Variants in SOX5 observed in about 807,000 individuals in gnomAD.
SOX5 encodes the protein transcription factor SOX-5.
A neutral mutation model predicts 92.0 loss-of-function variants in SOX5; 9 were observed. The ratio of observed to expected loss-of-function variants is 0.10; its 90% confidence interval spans 0.06 to 0.17. SOX5 has a LOEUF of 0.17. Ranked by LOEUF, SOX5 falls within the 10% of genes least tolerant of loss-of-function variation. SOX5 has a pLI of 1.00. For missense variants in SOX5, 642 were observed against 944.5 expected, an observed-to-expected ratio of 0.68 and a Z score of 4.20; for synonymous variants, 344 against 336.3, an observed-to-expected ratio of 1.02 and a Z score of -0.25.
chr12:24,297,636 T>C (rs1446486596), intron 2 of SOX5, among the ~76,000 whole-genome samples: 1 of 152,232 alleles, frequency 6.6e-6, no homozygotes, highest in Non-Finnish European at 1.5e-5. Flanking sequence ...TTGTCTTTTG[T>C]ATTCTCACTG....
intron 4 of SOX5, among the ~76,000 whole-genome samples, chr12:24,187,526 ATT>A (rs1430649718): frequency 1.3e-5 from 2 of 152,220 alleles, no homozygotes; most frequent in Non-Finnish European, 2.9e-5. Flanking sequence ...AAAATTGGGC[ATT>A]GTGACTTTTC....
At chr12:23,877,041 T>C (rs888045897) in intron 2 of SOX5, among the ~76,000 whole-genome samples, 2 of 152,000 alleles carry the variant, frequency 1.3e-5, no homozygotes, top group Non-Finnish European at 2.9e-5. Flanking sequence ...ATATGTAATG[T>C]AGGTGATGGT....
chr12:23,740,553 T>C (rs761075437), intron 5 of SOX5, among the ~76,000 whole-genome samples: 4 of 152,226 alleles, frequency 2.6e-5, no homozygotes, highest in Non-Finnish European at 4.4e-5. Flanking sequence ...TCTTTCAAAA[T>C]GCTTCTTGTT....
chr12:24,156,233 C>A (rs111316903), intron 4 of SOX5, among the ~76,000 whole-genome samples: 78 of 152,284 alleles, frequency 5.1e-4, no homozygotes, highest in Admixed American at 1.2e-3. Flanking sequence ...GAGATGATAA[C>A]AACCCAGAGG....
chr12:24,446,893 G>A (rs1264406607), intron 1 of SOX5, among the ~76,000 whole-genome samples: 2 of 152,166 alleles, frequency 1.3e-5, no homozygotes, highest in Non-Finnish European at 2.9e-5. Flanking sequence ...ATATCAGTGG[G>A]ACGCAGAAGC....
chr12:24,394,153 G>A (rs1959235617), intron 1 of SOX5, among the ~76,000 whole-genome samples: 2 of 152,120 alleles, frequency 1.3e-5, no homozygotes, highest in Non-Finnish European at 2.9e-5. Context: ...AGGGAAGCCT[G>A]CATTTCTCTT....
intron 2 of SOX5, among the ~76,000 whole-genome samples, chr12:24,308,435 A>T (rs1208364296): frequency 1.3e-5 from 2 of 152,186 alleles, no homozygotes; most frequent in Non-Finnish European, 2.9e-5. Context: ...TTTTTAATAA[A>T]TGTTCACTGC....
intron 4 of SOX5, among the ~76,000 whole-genome samples, chr12:24,155,748 C>T (rs918717170): frequency 2.0e-5 from 3 of 152,214 alleles, no homozygotes; most frequent in South Asian, 2.1e-4. Flanking sequence ...GCTGTGCTAA[C>T]GAAATGAGAC....
chr12:23,601,093 T>C (rs1222196720), intron 9 of SOX5, among the ~76,000 whole-genome samples: 2 of 152,108 alleles, frequency 1.3e-5, no homozygotes, highest in Admixed American at 6.6e-5. Context: ...CACTCTATCA[T>C]TTCTCAGCAT....
chr12:24,065,733 T>C (rs10842267), intron 4 of SOX5, among the ~76,000 whole-genome samples: 60,114 of 151,678 alleles, frequency 0.4, 12,313 homozygotes, highest in Non-Finnish European at 0.45. Context: ...TCTATACTTT[T>C]AGTTGCTCAT....
intron 1 of SOX5, among the ~76,000 whole-genome samples, chr12:23,939,881 T>C (rs1943295319): frequency 6.6e-6 from 1 of 151,074 alleles, no homozygotes; most frequent in Non-Finnish European, 1.5e-5. Context: ...GTAATGCTAA[T>C]AGTTATTTAT....
At chr12:24,287,987 A>G (rs935536835) in intron 2 of SOX5, among the ~76,000 whole-genome samples, 1 of 152,178 alleles carries the variant, frequency 6.6e-6, no homozygotes, top group African/African-American at 2.4e-5. Context: ...CAAACTATGG[A>G]AGCGTTAATT....
chr12:24,229,195 A>G (rs1962819577), intron 3 of SOX5, among the ~76,000 whole-genome samples: 1 of 152,234 alleles, frequency 6.6e-6, no homozygotes, highest in African/African-American at 2.4e-5. Flanking sequence ...GAAGGGCAGC[A>G]ACTCCACCTA....
chr12:23,705,599 T>C (rs986016647), intron 6 of SOX5, among the ~76,000 whole-genome samples: 1 of 152,004 alleles, frequency 6.6e-6, no homozygotes, highest in Non-Finnish European at 1.5e-5. Context: ...GGGCTGCTGC[T>C]CTTTTTGTAT....
intron 3 of SOX5, among the ~76,000 whole-genome samples, chr12:24,260,859 C>T (rs980236631): frequency 1.3e-5 from 2 of 152,168 alleles, no homozygotes; most frequent in Non-Finnish European, 2.9e-5. Flanking sequence ...TGATGAAGCA[C>T]TATACTATTA....
At chr12:24,135,309 C>A (rs1950018581) in intron 4 of SOX5, among the ~76,000 whole-genome samples, 1 of 152,200 alleles carries the variant, frequency 6.6e-6, no homozygotes, top group Non-Finnish European at 1.5e-5. Flanking sequence ...AGACCCTCCT[C>A]TGAATCCTTC....
At chr12:24,111,656 T>C (rs1229453144) in intron 4 of SOX5, among the ~76,000 whole-genome samples, 1 of 152,174 alleles carries the variant, frequency 6.6e-6, no homozygotes, top group East Asian at 1.9e-4. Flanking sequence ...TCCTTATGTA[T>C]GAATCACTAA....
chr12:23,895,877 A>G lies in SOX5; in HGVS notation c.186T>C (p.Pro62=). ...LPLHVSFPNK[P]HSEEFQPVSL... ...AAACTGGCTGAAATTCCTCAGAGTG[A>G]GGCTTGTTGGGAAAACTCACATGCA... The change falls in exon 2 of 15, where the codon CCT becomes CCC. Residue 62 remains proline (P), a synonymous_variant. Transcript: ENST00000451604. 1 of 1,614,098 alleles carries G rather than the reference A, an allele frequency of 6.2e-7. No individual in the cohort carries two copies. The highest frequency in any genetic ancestry group is 1.1e-5 in the South Asian group (1 of 91,080).
At chr12:24,179,546 C>T (rs12832878) in intron 4 of SOX5, among the ~76,000 whole-genome samples, 5,970 of 152,188 alleles carry the variant, frequency 0.039, 117 homozygotes, top group Middle Eastern at 0.058. Flanking sequence ...CAGAGCTTTT[C>T]GGATATTGTA....
Sources: allele counts gnomAD v4.1 joint callset (sites outside exome capture counted in the v4.1 genomes callset), GRCh38; gene constraint gnomAD v4.1.1; transcripts MANE v1.5; gene names NCBI Gene and HGNC (gene_info 2026-07-23, HGNC 2026-07-21).